LUZP2: variants seen among roughly 807,000 people sequenced by gnomAD.
LUZP2 encodes the protein leucine zipper protein 2.
In LUZP2, 52 loss-of-function variants were observed where a neutral mutation model predicts 51.6. The observed-to-expected ratio is 1.01, with a 90% CI of 0.81 to 1.27. The LOEUF (loss-of-function observed/expected upper bound fraction) is 1.27. Ranked by LOEUF, LUZP2 falls within the 50% of genes most tolerant of loss-of-function variation. The pLI, the probability that LUZP2 is intolerant of heterozygous loss-of-function variation, is 0.00. For missense variants in LUZP2, 436 were observed against 395.4 expected, an observed-to-expected ratio of 1.10 and a Z score of -0.87; for synonymous variants, 154 against 137.3, an observed-to-expected ratio of 1.12 and a Z score of -0.85.
chr11:24,863,542 T>TG (rs1195048205), intron 5 of LUZP2, among the ~76,000 whole-genome samples: 1 of 150,628 alleles, frequency 6.6e-6, no homozygotes, highest in Non-Finnish European at 1.5e-5. Context: ...TTCCAAATAC[T>TG]GGGGGGAAGG....
intron 1 of LUZP2, among the ~76,000 whole-genome samples, chr11:24,594,030 G>T (rs1030548851): frequency 6.6e-6 from 1 of 152,174 alleles, no homozygotes; most frequent in African/African-American, 2.4e-5. Flanking sequence ...AGTAAGCACT[G>T]GATAAGTGCT....
At chr11:24,705,280 A>G (rs1857543865) in intron 1 of LUZP2, among the ~76,000 whole-genome samples, 2 of 152,244 alleles carry the variant, frequency 1.3e-5, no homozygotes, top group Non-Finnish European at 2.9e-5. Flanking sequence ...AGAGAAAAAT[A>G]GAAGGAGAAA....
intron 1 of LUZP2, among the ~76,000 whole-genome samples, chr11:24,672,662 TG>T (rs1856434812): frequency 6.6e-6 from 1 of 152,182 alleles, no homozygotes; most frequent in Non-Finnish European, 1.5e-5. Context: ...AGAAATGCAT[TG>T]TCATGGGATT....
intron 1 of LUZP2, among the ~76,000 whole-genome samples, chr11:24,666,970 T>A (rs540814775): frequency 4.0e-4 from 61 of 152,314 alleles, no homozygotes; most frequent in African/African-American, 1.4e-3. Context: ...TCTTTTGCAT[T>A]GTGTATGTCA....
rs1565124723 is a variant in LUZP2 at position 24,764,489 on chromosome 11, C to CAAAAAA, written c.396+1181_396+1182insAAAAAA. Among the ~76,000 whole-genome samples, 22 of 56,390 alleles carry CAAAAAA rather than the reference C, an allele frequency of 3.9e-4. 2 individuals carry two copies. Among genetic ancestry groups the CAAAAAA allele is most frequent in the East Asian group, 2.3e-3 (5 of 2,198 alleles). 37.0% of individuals were successfully genotyped at this position (56,390 alleles called of 152,430 possible). A position where few individuals can be genotyped will look rare whatever the true frequency, so the allele number is the denominator to read the frequency against. ...TGGACAACATGGTAAAATCTCATCT[C>CAAAAAA]TAAAAAAAAAAAAAAAAAAAAAAAA... On this transcript the variant is annotated intron_variant, in intron 5 of 11. Coordinates refer to ENST00000336930, the MANE Select transcript of LUZP2 (RefSeq NM_001009909.4).
intron 9 of LUZP2, among the ~76,000 whole-genome samples, chr11:25,016,528 A>C: frequency 6.6e-6 from 1 of 152,118 alleles, no homozygotes; most frequent in Middle Eastern, 3.4e-3. Flanking sequence ...ATATATACAT[A>C]TATATGTATA....
intron 5 of LUZP2, among the ~76,000 whole-genome samples, chr11:24,862,162 C>G (rs1851761231): frequency 6.6e-6 from 1 of 152,082 alleles, no homozygotes; most frequent in Non-Finnish European, 1.5e-5. Flanking sequence ...GGCCAGATCA[C>G]CTATAAAGGG....
intron 9 of LUZP2, among the ~76,000 whole-genome samples, chr11:25,044,953 G>A (rs557472280): frequency 6.0e-4 from 90 of 150,032 alleles, no homozygotes; most frequent in African/African-American, 1.7e-3. Context: ...GCAAAGTATC[G>A]CAAGGACAAA....
chr11:24,793,303 A>G (rs376715893), intron 5 of LUZP2, among the ~76,000 whole-genome samples: 6 of 152,260 alleles, frequency 3.9e-5, no homozygotes, highest in African/African-American at 1.4e-4. Flanking sequence ...TATTTGATGT[A>G]CAATTTTTTG....
intron 1 of LUZP2, among the ~76,000 whole-genome samples, chr11:24,657,912 A>G (rs1349269951): frequency 2.6e-5 from 4 of 152,240 alleles, no homozygotes; most frequent in Non-Finnish European, 5.9e-5. Context: ...CCACTGCTCA[A>G]TGAAATAAAA....
At position 24,807,300 on chromosome 11, in the gene LUZP2, C is replaced by T. The variant is rs532321552; in HGVS notation, c.396+43992C>T. On this transcript the variant is annotated intron_variant, in intron 5 of 11. Coordinates refer to ENST00000336930, the MANE Select transcript of LUZP2 (RefSeq NM_001009909.4). ...CTAACACGGTGAAACACTGTCTCTA[C>T]TAAAAATACAAATTAGCCAGGCGTA... Among the ~76,000 whole-genome samples, 3 of 151,882 alleles carry T rather than the reference C, an allele frequency of 2.0e-5. No individual in the cohort carries two copies. The East Asian group carries it at 5.9e-4, about 30-fold the overall frequency.
intron 1 of LUZP2, among the ~76,000 whole-genome samples, chr11:24,662,290 A>G (rs1306023843): frequency 2.0e-5 from 3 of 152,164 alleles, no homozygotes; most frequent in Non-Finnish European, 4.4e-5. Context: ...TGAAAAAAAA[A>G]TCAACAATTG....
intron 5 of LUZP2, among the ~76,000 whole-genome samples, chr11:24,896,153 C>T (rs190878327): frequency 2.0e-4 from 30 of 152,356 alleles, no homozygotes; most frequent in Non-Finnish European, 7.3e-5. Context: ...GGCTGGCCTT[C>T]GGTTCCTCCT....
chr11:25,015,692 T>C (rs1399412613), intron 9 of LUZP2, among the ~76,000 whole-genome samples: 1 of 152,124 alleles, frequency 6.6e-6, no homozygotes, highest in Admixed American at 6.5e-5. Context: ...CCACCAGGAA[T>C]ACATGGTATC....
intron 5 of LUZP2, among the ~76,000 whole-genome samples, chr11:24,893,772 G>GCACACACA (rs34127798): frequency 2.7e-5 from 4 of 149,432 alleles, no homozygotes; most frequent in Admixed American, 2.7e-4. Context: ...AAATACACAC[G>GCACACACA]CACACACACA....
chr11:24,547,959 C>T (rs1441578625), intron 1 of LUZP2, among the ~76,000 whole-genome samples: 4 of 152,028 alleles, frequency 2.6e-5, no homozygotes, highest in African/African-American at 9.7e-5. Context: ...ATTCTCCACA[C>T]CACTAATCAT....
At chr11:25,035,707 T>G (rs1431101304) in intron 9 of LUZP2, among the ~76,000 whole-genome samples, 1 of 152,062 alleles carries the variant, frequency 6.6e-6, no homozygotes, top group East Asian at 1.9e-4. Flanking sequence ...TATACATCAA[T>G]TTTATATCTT....
intron 9 of LUZP2, among the ~76,000 whole-genome samples, chr11:25,023,460 T>C (rs1336552916): frequency 6.6e-6 from 1 of 152,136 alleles, no homozygotes; most frequent in Admixed American, 6.6e-5. Context: ...CTGATGGTAG[T>C]TTGTATTTCT....
intron 5 of LUZP2, among the ~76,000 whole-genome samples, chr11:24,896,810 A>G (rs903498684): frequency 6.6e-6 from 1 of 152,218 alleles, no homozygotes; most frequent in Non-Finnish European, 1.5e-5. Flanking sequence ...GGAGGATTGT[A>G]TATGCACCAA....
Sources: gnomAD v4.1 joint callset for allele counts (sites outside exome capture counted in the v4.1 genomes callset) on GRCh38, gnomAD v4.1.1 for gene constraint, MANE v1.5 for transcripts, NCBI Gene and HGNC (gene_info 2026-07-23, HGNC 2026-07-21) for gene names.